TRIM63: variants seen among roughly 807,000 people sequenced by gnomAD.
TRIM63 encodes the protein E3 ubiquitin-protein ligase TRIM63.
Under a neutral mutation model 46.0 loss-of-function variants are expected in TRIM63, and 48 were observed. That is an observed-to-expected ratio of 1.04 (90% CI 0.83 to 1.33). The LOEUF (loss-of-function observed/expected upper bound fraction) is 1.33, where lower values mean the gene tolerates loss of function less well. TRIM63 is among the 40% of genes most tolerant of loss of function. TRIM63 has a pLI of 0.00. For missense variants in TRIM63, 455 were observed against 441.2 expected (o/e 1.03, Z -0.28); for synonymous variants, 175 against 162.8 (o/e 1.08, Z -0.57).
rs200916059 is a variant in TRIM63 at position 26,066,774 on chromosome 1, T to G, written c.160-334A>C. Among the ~76,000 whole-genome samples, 12 of 152,256 alleles carry G rather than the reference T, an allele frequency of 7.9e-5. 1 individual carries two copies. The East Asian group carries it at 2.3e-3, about 29-fold the overall frequency. On this transcript the variant is annotated intron_variant, in intron 1 of 8. Coordinates refer to ENST00000374272, the MANE Select transcript of TRIM63 (RefSeq NM_032588.4). ...GAGCAAGCTCCTAAGGCTGCTACTT[T>G]AAAGATAATATCGTGAAAGAACATT...
chr1:26,066,519 C>A, intron 1 of TRIM63, 79 bp from the exon 2 acceptor site: 2 of 1,354,542 alleles, frequency 1.5e-6, no homozygotes, highest in South Asian at 3.1e-5. Flanking sequence ...TTATCCTTTC[C>A]TCTGCCTATC....
Position 26,060,354 on chromosome 1 carries a change from A to T in TRIM63, c.509T>A (p.Leu170Gln). ...QSVFQGQKTE[L>Q]NNCISMLVAG... ...CACCAGCATGGAGATACAGTTATTC[A>T]GTTCAGTCTAGATGGGGGTGTGGGG... The change falls in exon 4 of 9, where the codon CTG (leucine) becomes CAG (glutamine). Residue 170 changes from leucine to glutamine, a missense_variant. Coordinates refer to ENST00000374272, the MANE Select transcript of TRIM63 (RefSeq NM_032588.4). The T allele has an allele frequency of 6.2e-7, 1 of 1,613,800 alleles. No individual in the cohort carries two copies. The highest frequency in any genetic ancestry group is 8.5e-7 in the Non-Finnish European group (1 of 1,179,830).
intron 2 of TRIM63, among the ~76,000 whole-genome samples, chr1:26,064,699 C>T (rs2050658755): frequency 6.6e-6 from 1 of 152,204 alleles, no homozygotes; most frequent in East Asian, 1.9e-4. Context: ...TCTTATTTGA[C>T]AGCCACAATA....
rs1553145730 is a variant in TRIM63, at chr1:26,058,595, A to G, written c.626T>C (p.Leu209Pro). ...KENSHQVKEELSQKFDTLYAI... is the reference protein window; with the variant it reads ...KENSHQVKEEPSQKFDTLYAI... ...ATACAACGTGTCAAACTTCTGGCTC[A>G]GCTCTTCCTTTACCTGGTGACTGTT... The change falls in exon 5 of 9, where the codon CTG becomes CCG. Residue 209 changes from leucine to proline, a missense_variant. Leu to Pro is a moderately conservative substitution (Grantham distance 98). Coordinates refer to ENST00000374272, the MANE Select transcript of TRIM63 (RefSeq NM_032588.4). The G allele has an allele frequency of 1.2e-6, 2 of 1,613,994 alleles. No homozygotes were observed. Among genetic ancestry groups the G allele is most frequent in the Non-Finnish European group, 1.7e-6 (2 of 1,180,022 alleles).
intron 5 of TRIM63, 141 bp from the exon 6 acceptor site, chr1:26,057,791 C>T (rs901119725): frequency 2.2e-5 from 18 of 829,052 alleles, no homozygotes. Flanking sequence ...CCACCCCAAA[C>T]TGAGCAGAAT....
chr1:26,057,087 T>G, intron 7 of TRIM63, 116 bp downstream of exon 7: 11 of 1,350,892 alleles, frequency 8.1e-6, no homozygotes, highest in Non-Finnish European at 1.1e-5. Context: ...TGAGTTTGAT[T>G]GATATTTGGG....
intron 8 of TRIM63, among the ~76,000 whole-genome samples, chr1:26,052,616 G>A (rs1220151319): frequency 5.9e-5 from 9 of 151,892 alleles, no homozygotes; most frequent in Non-Finnish European, 8.8e-5. Flanking sequence ...ACAGGTGCCC[G>A]TCACCACGCC....
chr1:26,052,718 C>T (rs1017238301), intron 8 of TRIM63, among the ~76,000 whole-genome samples: 7 of 152,078 alleles, frequency 4.6e-5, no homozygotes, highest in Non-Finnish European at 8.8e-5. Context: ...CCGCCTGCCT[C>T]GGCCTCCCAA....
intron 7 of TRIM63, among the ~76,000 whole-genome samples, chr1:26,056,530 A>G (rs1056090087): frequency 6.6e-6 from 1 of 152,154 alleles, no homozygotes; most frequent in African/African-American, 2.4e-5. Context: ...CTGACTTTTT[A>G]AATTAGAAAA....
rs2050688421 is a variant in TRIM63, at chr1:26,067,409, A to G, written c.86T>C (p.Met29Thr). 6.2e-7 allele frequency: 1 copy of G among 1,614,186 alleles called. No homozygotes were observed. ...CAAGATGACCACTGGCTTGGTAAAC[A>G]TCTCCAGGCAGATAGGGCAGATCAG... ...KQLICPICLE[M>T]FTKPVVILPC... The change falls in exon 1 of 9, where the codon ATG becomes ACG. Residue 29 changes from methionine to threonine, a missense_variant. By Grantham distance (81) the Met-to-Thr change is moderately conservative. Transcript: ENST00000374272.
Position 26,061,028 on chromosome 1 carries a change from T to A in TRIM63, c.501+138A>T, listed in dbSNP as rs1161232573. On this transcript the variant is annotated intron_variant, in intron 3 of 8. Coordinates refer to ENST00000374272, the MANE Select transcript of TRIM63 (RefSeq NM_032588.4). ...AGGAAGGCCAGGGCTGCTGTCCCTG[T>A]GGCCTGGGAAGTCCCTCCAGAGAGA... 1.1e-5 allele frequency: 11 copies of A among 978,310 alleles called. No homozygotes were observed. In the Admixed American group the frequency reaches 1.3e-4, roughly 12 times the overall value. 60.6% of individuals were successfully genotyped at this position (978,310 alleles called of 1,614,324 possible). A position where few individuals can be genotyped will look rare whatever the true frequency, so the allele number is the denominator to read the frequency against.
At chr1:26,059,233 A>G (rs1340290150) in intron 4 of TRIM63, among the ~76,000 whole-genome samples, 1 of 152,052 alleles carries the variant, frequency 6.6e-6, no homozygotes, top group Non-Finnish European at 1.5e-5. Context: ...CATGTTGGCC[A>G]GGATGGTCTC....
Position 26,066,254 on chromosome 1 carries a change from G to T in TRIM63, c.332+14C>A. 1 of 1,613,734 alleles carries T rather than the reference G, an allele frequency of 6.2e-7. No homozygotes were observed. The highest frequency in any genetic ancestry group is 1.1e-5 in the South Asian group (1 of 91,034). ...GGGAAGGAGGGCGGGCCCCCAGCAG[G>T]CACGAGAACCGACCTGGAGCACTCC... On this transcript the variant is annotated intron_variant, in intron 2 of 8. Transcript: ENST00000374272.
At chr1:26,064,550 T>C (rs1005593204) in intron 2 of TRIM63, among the ~76,000 whole-genome samples, 4 of 152,154 alleles carry the variant, frequency 2.6e-5, no homozygotes, top group Admixed American at 6.5e-5. Flanking sequence ...CATTTCCTCA[T>C]GGTAAAATGG....
chr1:26,056,634 G>C (rs11247852), intron 7 of TRIM63, among the ~76,000 whole-genome samples: 32,831 of 152,078 alleles, frequency 0.22, 3,802 homozygotes, highest in African/African-American at 0.29. Context: ...ATTCCAGAGG[G>C]CATATTATTT....
At chr1:26,063,829 A>G (rs1049544091) in intron 2 of TRIM63, among the ~76,000 whole-genome samples, 1 of 152,228 alleles carries the variant, frequency 6.6e-6, no homozygotes, top group African/African-American at 2.4e-5. Flanking sequence ...TCATTCAACT[A>G]TGCGGAAAGG....
rs1225158889 is a variant in TRIM63 at position 26,057,646 on chromosome 1, G to A, written c.836C>T (p.Ala279Val). 1.2e-6 allele frequency: 2 copies of A among 1,609,956 alleles called. No individual in the cohort carries two copies. Among genetic ancestry groups the A allele is most frequent in the South Asian group, 2.2e-5 (2 of 90,076 alleles). ...EPGGATFLLTAKQLIKSIVEA... is the reference protein window; with the variant it reads ...EPGGATFLLTVKQLIKSIVEA... ...CACTGACCTTTTGATGAGTTGCTTG[G>A]CAGTCTGCAGGGGGAGAGAGAACAA... The change falls in exon 6 of 9, where the codon GCC (alanine) becomes GTC (valine). Residue 279 changes from alanine to valine, a missense_variant. Transcript: ENST00000374272.
At chr1:26,066,950 G>A (rs2050684074) in intron 1 of TRIM63, among the ~76,000 whole-genome samples, 1 of 151,788 alleles carries the variant, frequency 6.6e-6, no homozygotes, top group Admixed American at 6.6e-5. Context: ...CTGCCTCCCT[G>A]ACACCCTCCT....
At chr1:26,063,508 A>T (rs544992553) in intron 2 of TRIM63, among the ~76,000 whole-genome samples, 57 of 152,268 alleles carry the variant, frequency 3.7e-4, no homozygotes, top group African/African-American at 1.4e-3. Context: ...GGGGTCTGCC[A>T]TTGCCACCTG....
Sources: allele counts gnomAD v4.1 joint callset (sites outside exome capture counted in the v4.1 genomes callset), GRCh38; gene constraint gnomAD v4.1.1; transcripts MANE v1.5; gene names NCBI Gene and HGNC (gene_info 2026-07-23, HGNC 2026-07-21).